PHTF2: variants seen among roughly 807,000 people sequenced by gnomAD.
PHTF2 encodes putative homeodomain transcription factor 2, also known as protein PHTF2.
A neutral mutation model predicts 101.2 loss-of-function variants in PHTF2; 60 were observed. The observed-to-expected ratio is 0.59, with a 90% CI of 0.48 to 0.73. The LOEUF (loss-of-function observed/expected upper bound fraction) is 0.73, where lower values mean the gene tolerates loss of function less well. PHTF2 is among the 30% of genes least tolerant of loss of function. PHTF2 has a pLI of 0.00. For missense variants in PHTF2, 747 were observed against 908.7 expected (o/e 0.82, Z 2.29); for synonymous variants, 311 against 307.3 (o/e 1.01, Z -0.13).
intron 4 of PHTF2, 22 bp from the exon 4 acceptor site, chr7:77,893,960 A>C: frequency 6.3e-7 from 1 of 1,582,804 alleles, no homozygotes; most frequent in Non-Finnish European, 8.7e-7. Context: ...CTCCCTTTTG[A>C]TGCTGTCATT....
intron 1 of PHTF2, among the ~76,000 whole-genome samples, chr7:77,817,827 G>A (rs886426545): frequency 6.6e-6 from 1 of 151,704 alleles, no homozygotes; most frequent in African/African-American, 2.4e-5. Context: ...TTTGAGTTCC[G>A]GGCCGGGTGC....
At chr7:77,848,482 T>C (rs930930394) in intron 2 of PHTF2, among the ~76,000 whole-genome samples, 3 of 152,250 alleles carry the variant, frequency 2.0e-5, no homozygotes, top group African/African-American at 7.2e-5. Context: ...CCTTTTCATA[T>C]ACCTGTTTGC....
At chr7:77,910,322 G>T (rs1331852332) in exon 9 of PHTF2, 1 of 1,613,450 alleles carries the variant, frequency 6.2e-7, no homozygotes. Flanking sequence ...ACACAAGAGG[G>T]AGCAGTTCAG....
chr7:77,871,788 A>G (rs1025533952), intron 3 of PHTF2, among the ~76,000 whole-genome samples: 10 of 152,180 alleles, frequency 6.6e-5, no homozygotes, highest in African/African-American at 2.4e-4. Flanking sequence ...TGAATTCCAT[A>G]AGCATGAGCC....
At chr7:77,946,401 A>G (rs901565031) in intron 16 of PHTF2, among the ~76,000 whole-genome samples, 1 of 152,192 alleles carries the variant, frequency 6.6e-6, no homozygotes, top group Non-Finnish European at 1.5e-5. Context: ...TACCACTTCT[A>G]GTCAGCATTT....
chr7:77,801,305 G>T (rs1014857553), intron 1 of PHTF2, among the ~76,000 whole-genome samples: 1 of 152,238 alleles, frequency 6.6e-6, no homozygotes, highest in Admixed American at 6.5e-5. Context: ...TTACAGTCAA[G>T]CTGGGTGCGG....
exon 14 of PHTF2, chr7:77,940,056 A>G: frequency 1.2e-6 from 2 of 1,613,360 alleles, no homozygotes; most frequent in Non-Finnish European, 1.7e-6. Context: ...CAGGAATAGG[A>G]TACCAGATTT....
At chr7:77,932,594 GAGAGAGAA>G (rs1477891870) in intron 12 of PHTF2, among the ~76,000 whole-genome samples, 37 of 128,746 alleles carry the variant, frequency 2.9e-4, no homozygotes, top group African/African-American at 9.1e-4. Context: ...GGAAGAGAGA[GAGAGAGAA>G]AGAGAGAGAG....
At chr7:77,819,258 CT>C (rs1218918392) in intron 1 of PHTF2, among the ~76,000 whole-genome samples, 6 of 152,210 alleles carry the variant, frequency 3.9e-5, no homozygotes, top group Admixed American at 6.5e-5. Flanking sequence ...CCAACTAGGA[CT>C]TTCAGTAGTA....
At chr7:77,940,400 AC>A (rs1805542868) in intron 14 of PHTF2, 98 bp downstream of exon 13, 2 of 1,288,056 alleles carry the variant, frequency 1.6e-6, no homozygotes, top group South Asian at 3.1e-5. Context: ...TATCATTTTT[AC>A]CTAATTATTT....
exon 17 of PHTF2, chr7:77,949,729 G>T: frequency 6.4e-7 from 1 of 1,566,640 alleles, no homozygotes; most frequent in Non-Finnish European, 8.7e-7. Flanking sequence ...TTGGGAATTG[G>T]TAATCTGGTG....
chr7:77,812,868 T>A (rs1418309318), intron 1 of PHTF2, among the ~76,000 whole-genome samples: 2 of 152,114 alleles, frequency 1.3e-5, no homozygotes, highest in Admixed American at 1.3e-4. Context: ...GGATTACAGG[T>A]GTGAGCCACA....
rs140131622 is a variant in PHTF2 at position 77,953,979 on chromosome 7, C to T, written c.2337+85C>T. On this transcript the variant is annotated intron_variant, in intron 19 of 19. Coordinates refer to ENST00000416283, the Ensembl canonical transcript of PHTF2. ...TTTTACCCTCACATGCACAGTAATG[C>T]GGTCATTTTGGTAAGATTGCAATTA... 5.2e-4 allele frequency: 554 copies of T among 1,071,684 alleles called. 2 individuals are homozygous for T. The highest frequency in any genetic ancestry group is 3.6e-3 in the African/African-American group (230 of 63,254). 66.4% of individuals were successfully genotyped at this position (1,071,684 alleles called of 1,614,324 possible). A position where few individuals can be genotyped will look rare whatever the true frequency, so the allele number is the denominator to read the frequency against.
At chr7:77,940,233 T>C (rs1227813634) in exon 14 of PHTF2, 1 of 1,613,898 alleles carries the variant, frequency 6.2e-7, no homozygotes, top group Non-Finnish European at 8.5e-7. Context: ...TAATAAGTTT[T>C]GTGGTTCGCG....
chr7:77,859,508 A>C (rs1320311347), intron 3 of PHTF2, among the ~76,000 whole-genome samples: 1 of 150,554 alleles, frequency 6.6e-6, no homozygotes, highest in Non-Finnish European at 1.5e-5. Context: ...AAAATTTTTC[A>C]TTCCTTAAAG....
intron 1 of PHTF2, among the ~76,000 whole-genome samples, chr7:77,808,438 A>G (rs965886868): frequency 3.3e-5 from 5 of 152,164 alleles, no homozygotes; most frequent in South Asian, 2.1e-4. Flanking sequence ...TCTCCTCATC[A>G]TGAATTATAT....
chr7:77,818,141 C>T (rs963971415), intron 1 of PHTF2, among the ~76,000 whole-genome samples: 7 of 151,882 alleles, frequency 4.6e-5, no homozygotes, highest in East Asian at 1.9e-4. Flanking sequence ...GTTTGAGTTC[C>T]TTGTATATTC....
In PHTF2 at chr7:77,831,890, G is replaced by A. The variant is rs144521103; in HGVS notation, c.-35-8331G>A. 1.2e-3 allele frequency among the ~76,000 whole-genome samples: 183 copies of A among 152,234 alleles called. 3 individuals carry two copies. Among genetic ancestry groups the A allele is most frequent in the Middle Eastern group, 6.8e-3 (2 of 294 alleles). The stretch of plus-strand genomic sequence containing the variant: ...ATTAAAATTATCCACATTAAAGTAC[G>A]TGCCCTTAGTTTATGTCTGTCTGTG... On this transcript the variant is annotated intron_variant, in intron 1 of 19. Transcript: ENST00000416283.
At chr7:77,935,261 C>T (rs892540415) in intron 12 of PHTF2, among the ~76,000 whole-genome samples, 2 of 122,672 alleles carry the variant, frequency 1.6e-5, no homozygotes, top group Non-Finnish European at 3.2e-5. Context: ...CCCACTCTGT[C>T]GCCCAGGCTG....
Sources: gnomAD v4.1 joint callset for allele counts (sites outside exome capture counted in the v4.1 genomes callset) on GRCh38, gnomAD v4.1.1 for gene constraint, MANE v1.5 for transcripts, NCBI Gene and HGNC (gene_info 2026-07-23, HGNC 2026-07-21) for gene names.